Variants in CAMK1D observed in about 807,000 individuals in gnomAD.
The protein encoded by CAMK1D is calcium/calmodulin dependent protein kinase ID.
A neutral mutation model predicts 47.7 loss-of-function variants in CAMK1D; 9 were observed. That is an observed-to-expected ratio of 0.19 (90% CI 0.11 to 0.33). The LOEUF is 0.33. Among genes scored for constraint, CAMK1D ranks in the 10% least tolerant of loss-of-function variants. The probability of loss-of-function intolerance (pLI) is 1.00; values close to 1 mark genes in which losing one functional copy is unlikely to be tolerated. For missense variants in CAMK1D, 291 were observed against 488.7 expected, an observed-to-expected ratio of 0.60 and a Z score of 3.81; for synonymous variants, 184 against 184.9, an observed-to-expected ratio of 0.99 and a Z score of 0.04.
chr10:12,451,585 C>T (rs901854517), intron 1 of CAMK1D, among the ~76,000 whole-genome samples: 1 of 152,202 alleles, frequency 6.6e-6, no homozygotes, highest in African/African-American at 2.4e-5. Context: ...GAGATAAATT[C>T]TGATAATAGT....
intron 3 of CAMK1D, among the ~76,000 whole-genome samples, chr10:12,687,433 G>A (rs571205703): frequency 7.9e-5 from 12 of 152,234 alleles, no homozygotes; most frequent in South Asian, 6.2e-4. Context: ...TTTGATTCCC[G>A]TTACGACTTC....
At chr10:12,784,845 G>A (rs1329200174) in intron 5 of CAMK1D, among the ~76,000 whole-genome samples, 1 of 152,162 alleles carries the variant, frequency 6.6e-6, no homozygotes, top group Non-Finnish European at 1.5e-5. Flanking sequence ...CGACTAGGTT[G>A]GGTTCAGTTG....
rs575663377 is a variant in CAMK1D, at chr10:12,656,673, A to G, written c.225-10063A>G. 3.3e-4 allele frequency among the ~76,000 whole-genome samples: 50 copies of G among 152,310 alleles called. No homozygotes were observed. The South Asian group carries it at 4.8e-3, about 15-fold the overall frequency. On this transcript the variant is annotated intron_variant, in intron 2 of 10. Coordinates refer to ENST00000619168, the MANE Select transcript of CAMK1D (RefSeq NM_153498.4). ...ACAGACTTAAGAGCTTAGTTGATTT[A>G]GGTATCATAGTCTTGGCTCCTTAGT...
At chr10:12,593,235 CT>C (rs1177530133) in intron 2 of CAMK1D, among the ~76,000 whole-genome samples, 1 of 152,168 alleles carries the variant, frequency 6.6e-6, no homozygotes, top group Non-Finnish European at 1.5e-5. Context: ...GCACTCTTTA[CT>C]TTTTCTGCAC....
At chr10:12,777,055 A>G (rs1003996730) in intron 5 of CAMK1D, among the ~76,000 whole-genome samples, 1 of 152,204 alleles carries the variant, frequency 6.6e-6, no homozygotes, top group Admixed American at 6.5e-5. Context: ...ATCCTTGAGT[A>G]ATGAGGATCA....
At chr10:12,785,240 C>T (rs1837671603) in intron 5 of CAMK1D, among the ~76,000 whole-genome samples, 1 of 152,138 alleles carries the variant, frequency 6.6e-6, no homozygotes. Context: ...GGGACTTTGC[C>T]TTGTCATTTG....
chr10:12,778,062 G>A (rs931869902), intron 5 of CAMK1D, among the ~76,000 whole-genome samples: 3 of 152,216 alleles, frequency 2.0e-5, no homozygotes, highest in African/African-American at 7.2e-5. Flanking sequence ...TGTGAATAAA[G>A]ATGAGGAAAA....
chr10:12,651,601 C>T (rs1311976154), intron 2 of CAMK1D, among the ~76,000 whole-genome samples: 3 of 151,844 alleles, frequency 2.0e-5, no homozygotes, highest in Admixed American at 6.6e-5. Flanking sequence ...GGGATTTCAC[C>T]GTGTTGTCCA....
chr10:12,758,496 T>C lies in CAMK1D; in HGVS notation c.300-2452T>C, dbSNP rs1474544524. Among the ~76,000 whole-genome samples the C allele has an allele frequency of 2.6e-5, 4 of 152,148 alleles. No homozygotes were observed. In the East Asian group the frequency reaches 7.7e-4, roughly 29 times the overall value. On this transcript the variant is annotated intron_variant, in intron 3 of 10. Transcript: ENST00000619168. The stretch of plus-strand genomic sequence containing the variant: ...TCAGAAAAATAGAGCCCTGGTGCAG[T>C]TTGAAATGTAAGAAGCAGAATATTA...
At chr10:12,684,366 G>C (rs112922515) in intron 3 of CAMK1D, among the ~76,000 whole-genome samples, 1 of 152,128 alleles carries the variant, frequency 6.6e-6, no homozygotes, top group Non-Finnish European at 1.5e-5. Context: ...GTCAGAGAAG[G>C]GGGTATCTCG....
chr10:12,818,144 C>T (rs1832875952), intron 8 of CAMK1D, among the ~76,000 whole-genome samples: 1 of 152,156 alleles, frequency 6.6e-6, no homozygotes, highest in Non-Finnish European at 1.5e-5. Flanking sequence ...CCTGTGTGCC[C>T]CGCCATCCTC....
chr10:12,602,895 G>GTTGTTGTTATTATTATTA (rs150080599), intron 2 of CAMK1D, among the ~76,000 whole-genome samples: 1 of 134,396 alleles, frequency 7.4e-6, no homozygotes, highest in African/African-American at 2.7e-5. Context: ...CTAACTGCTT[G>GTTGTTGTTATTATTATTA]TTATTATTAT....
At position 12,403,422 on chromosome 10, in the gene CAMK1D, A is replaced by G. The variant is rs189100359; in HGVS notation, c.92+53512A>G. 2.5e-3 allele frequency among the ~76,000 whole-genome samples: 374 copies of G among 152,278 alleles called. 2 individuals carry two copies. Among genetic ancestry groups the G allele is most frequent in the Admixed American group, 4.1e-3 (62 of 15,296 alleles). On this transcript the variant is annotated intron_variant, in intron 1 of 10. Coordinates refer to ENST00000619168, the MANE Select transcript of CAMK1D (RefSeq NM_153498.4). Reference sequence around the variant, plus strand: ...CTTTCTTGGATAAAGGTGATAATCGATCCCACTTTACTTGTGAGGATTCAG... The same window carrying G: ...CTTTCTTGGATAAAGGTGATAATCGGTCCCACTTTACTTGTGAGGATTCAG...
intron 3 of CAMK1D, among the ~76,000 whole-genome samples, chr10:12,715,940 C>T (rs546627262): frequency 2.0e-5 from 3 of 152,066 alleles, no homozygotes; most frequent in Non-Finnish European, 2.9e-5. Flanking sequence ...AAACTCCTAA[C>T]CTCAAGTGAT....
At chr10:12,413,684 T>C (rs1839751375) in intron 1 of CAMK1D, among the ~76,000 whole-genome samples, 1 of 15,822 alleles carries the variant, frequency 6.3e-5, no homozygotes, top group South Asian at 1.7e-3. Context: ...TTTGTGGATA[T>C]TGAATCTCTG....
intron 2 of CAMK1D, among the ~76,000 whole-genome samples, chr10:12,572,356 C>T (rs532209415): frequency 1.3e-5 from 2 of 152,180 alleles, no homozygotes; most frequent in African/African-American, 2.4e-5. Flanking sequence ...CCATGTAAGA[C>T]GTGCCTTGCT....
intron 3 of CAMK1D, among the ~76,000 whole-genome samples, chr10:12,752,909 CT>C (rs1466626633): frequency 6.6e-6 from 1 of 152,158 alleles, no homozygotes; most frequent in Non-Finnish European, 1.5e-5. Flanking sequence ...TTGTCATGTA[CT>C]CAAGGAATAT....
At chr10:12,450,737 G>C (rs899772186) in intron 1 of CAMK1D, among the ~76,000 whole-genome samples, 1 of 152,214 alleles carries the variant, frequency 6.6e-6, no homozygotes, top group African/African-American at 2.4e-5. Flanking sequence ...GACTTGGACA[G>C]CCCTTTGCAT....
At chr10:12,804,937 CAAA>C (rs145584740) in intron 6 of CAMK1D, among the ~76,000 whole-genome samples, 1 of 51,056 alleles carries the variant, frequency 2.0e-5, no homozygotes, top group African/African-American at 8.3e-5. Context: ...GACCCTGTCT[CAAA>C]AAAAAAAAAA....
Sources: allele counts gnomAD v4.1 joint callset (sites outside exome capture counted in the v4.1 genomes callset), GRCh38; gene constraint gnomAD v4.1.1; transcripts MANE v1.5; gene names NCBI Gene and HGNC (gene_info 2026-07-23, HGNC 2026-07-21).